The following RAB3GAP1 variants were observed in gnomAD, a reference collection of about 807,000 sequenced individuals.
The protein encoded by RAB3GAP1 is rab3 GTPase-activating protein catalytic subunit.
RAB3GAP1 carries 86 observed loss-of-function variants against 130.7 expected under a neutral mutation model. The observed-to-expected ratio is 0.66, with a 90% CI of 0.55 to 0.79. The LOEUF is 0.79. Ranked by LOEUF, RAB3GAP1 falls within the 30% of genes least tolerant of loss-of-function variation. The pLI, the probability that RAB3GAP1 is intolerant of heterozygous loss-of-function variation, is 0.00. For missense variants in RAB3GAP1, 1,029 were observed against 1,169.4 expected (o/e 0.88, Z 1.75); for synonymous variants, 367 against 401.7 (o/e 0.91, Z 1.03).
At chr2:135,102,986 G>A (rs1574109849) in intron 5 of RAB3GAP1, among the ~76,000 whole-genome samples, 1 of 129,412 alleles carries the variant, frequency 7.7e-6, no homozygotes, top group Non-Finnish European at 1.6e-5. Context: ...CAGACTGGGC[G>A]ACAGTGCGAG....
At chr2:135,077,616 A>AT (rs1393719277) in intron 3 of RAB3GAP1, among the ~76,000 whole-genome samples, 1 of 152,180 alleles carries the variant, frequency 6.6e-6, no homozygotes, top group Non-Finnish European at 1.5e-5. Flanking sequence ...TAACTCTTCA[A>AT]TTTTTTGAGG....
At chr2:135,069,676 T>A (rs1460622324) in intron 3 of RAB3GAP1, among the ~76,000 whole-genome samples, 4 of 152,234 alleles carry the variant, frequency 2.6e-5, no homozygotes, top group Non-Finnish European at 5.9e-5. Flanking sequence ...TCATCTCAAC[T>A]ACTTCTTTTT....
At chr2:135,123,232 A>G (rs1452941642) in intron 8 of RAB3GAP1, among the ~76,000 whole-genome samples, 1 of 152,166 alleles carries the variant, frequency 6.6e-6, no homozygotes, top group African/African-American at 2.4e-5. Context: ...ATAATTTTTA[A>G]TTTACTAATT....
chr2:135,164,105 C>T (rs560342828), intron 22 of RAB3GAP1, among the ~76,000 whole-genome samples: 112 of 152,292 alleles, frequency 7.4e-4, no homozygotes, highest in African/African-American at 2.6e-3. Flanking sequence ...GTGTTTCCAG[C>T]ATCTAATGGC....
At chr2:135,164,445 T>G (rs895416097) in intron 22 of RAB3GAP1, 149 bp from the exon 23 acceptor site, 3 of 675,322 alleles carry the variant, frequency 4.4e-6, no homozygotes, top group Non-Finnish European at 8.3e-6. Flanking sequence ...ATGTCAATCT[T>G]ATCTTGCTGT....
chr2:135,066,502 A>C (rs966606264), intron 3 of RAB3GAP1, among the ~76,000 whole-genome samples: 1 of 152,302 alleles, frequency 6.6e-6, no homozygotes, highest in South Asian at 2.1e-4. Flanking sequence ...TAATTTTCCC[A>C]GTGTCATTTT....
chr2:135,134,107 T>C, intron 15 of RAB3GAP1, 74 bp downstream of exon 15: 1 of 1,560,236 alleles, frequency 6.4e-7, no homozygotes, highest in Non-Finnish European at 8.8e-7. Context: ...GACCTATTTT[T>C]TCCCCCTTCT....
Position 135,169,379 on chromosome 2 carries a change from C to G in RAB3GAP1, c.*598C>G. 5.7e-6 allele frequency: 1 copy of G among 176,126 alleles called. No individual in the cohort carries two copies. The highest frequency in any genetic ancestry group is 1.2e-5 in the Non-Finnish European group (1 of 82,368). The allele number at this position is 176,126 out of a possible 1,614,324, so 10.9% of individuals were successfully genotyped here. ...AAGCCTATAATTTCACATAGTTTCT[C>G]TTTTTCATGTAACTGTAACCTAAAT... On this transcript the variant is annotated 3_prime_UTR_variant, in exon 24 of 24. Transcript: ENST00000264158.
At chr2:135,122,215 G>A (rs1252250623) in intron 8 of RAB3GAP1, among the ~76,000 whole-genome samples, 2 of 152,046 alleles carry the variant, frequency 1.3e-5, no homozygotes, top group Non-Finnish European at 2.9e-5. Context: ...TAAAAGGACC[G>A]TATCTAGACT....
intron 17 of RAB3GAP1, among the ~76,000 whole-genome samples, chr2:135,142,422 A>G (rs1041988537): frequency 7.2e-5 from 11 of 151,986 alleles, no homozygotes; most frequent in Non-Finnish European, 1.6e-4. Flanking sequence ...AGTAGTTTAG[A>G]GATTATTTGG....
chr2:135,102,370 T>C (rs1306413104), intron 5 of RAB3GAP1, among the ~76,000 whole-genome samples: 1 of 152,244 alleles, frequency 6.6e-6, no homozygotes, highest in East Asian at 1.9e-4. Context: ...AATTTAGCCT[T>C]GTGAGACCTG....
At chr2:135,139,582 A>C (rs1691779792) in intron 17 of RAB3GAP1, among the ~76,000 whole-genome samples, 1 of 151,808 alleles carries the variant, frequency 6.6e-6, no homozygotes, top group African/African-American at 2.4e-5. Flanking sequence ...ACAAATCTTT[A>C]GTATACTGCT....
chr2:135,174,575 C>T (rs1416103339), downstream of RAB3GAP1, among the ~76,000 whole-genome samples: 1 of 152,162 alleles, frequency 6.6e-6, no homozygotes, highest in Non-Finnish European at 1.5e-5. Context: ...CTTCCAAAGC[C>T]CCCCCAGCCA....
intron 3 of RAB3GAP1, among the ~76,000 whole-genome samples, chr2:135,071,002 C>A (rs1328162123): frequency 1.3e-5 from 2 of 152,110 alleles, no homozygotes; most frequent in South Asian, 2.1e-4. Context: ...TAATGTATTT[C>A]ATGTTGACAG....
At chr2:135,063,737 G>A (rs777650442) in intron 3 of RAB3GAP1, among the ~76,000 whole-genome samples, 1 of 152,028 alleles carries the variant, frequency 6.6e-6, no homozygotes, top group African/African-American at 2.4e-5. Flanking sequence ...TGGACACTTG[G>A]GTCGCTTCTA....
At chr2:135,168,464 A>T (rs1692729447) in intron 23 of RAB3GAP1, 81 bp from the exon 24 acceptor site, 16 of 1,092,080 alleles carry the variant, frequency 1.5e-5, no homozygotes, top group Non-Finnish European at 2.1e-5. Flanking sequence ...TATCTTTATT[A>T]TGTTAATTCA....
Position 135,126,587 on chromosome 2 carries a change from T to C in RAB3GAP1, c.904T>C (p.Leu302=). The change falls in exon 11 of 24, where the codon TTG becomes CTG. Residue 302 remains leucine (L), a synonymous_variant. Transcript: ENST00000264158. ...IIVDNDVYSD[L]DPIQAPHWSV... is the part of the protein sequence containing the mutation. ...ATTTATTGGTTTGCATTTTAGTGATTTGGATCCTATTCAAGCTCCACATTG... is the reference window on the plus strand; with the variant it reads ...ATTTATTGGTTTGCATTTTAGTGATCTGGATCCTATTCAAGCTCCACATTG... 6.2e-7 allele frequency: 1 copy of C among 1,610,980 alleles called. No individual in the cohort carries two copies. The highest frequency in any genetic ancestry group is 8.5e-7 in the Non-Finnish European group (1 of 1,177,186).
intron 3 of RAB3GAP1, among the ~76,000 whole-genome samples, chr2:135,086,928 G>A (rs530625336): frequency 1.4e-4 from 22 of 152,198 alleles, no homozygotes; most frequent in Non-Finnish European, 2.8e-4. Flanking sequence ...CTCCCAAAGA[G>A]CTGAGATGAC....
chr2:135,088,471 T>A (rs906745471), intron 3 of RAB3GAP1, among the ~76,000 whole-genome samples: 49 of 151,992 alleles, frequency 3.2e-4, no homozygotes, highest in Admixed American at 1.4e-3. Flanking sequence ...GGCAGATGAC[T>A]TGAGGTCAGG....
Sources: gnomAD v4.1 joint callset for allele counts (sites outside exome capture counted in the v4.1 genomes callset) on GRCh38, gnomAD v4.1.1 for gene constraint, MANE v1.5 for transcripts, NCBI Gene and HGNC (gene_info 2026-07-23, HGNC 2026-07-21) for gene names.